Variants in NDUFAF6 observed in about 807,000 individuals in gnomAD.
NDUFAF6 encodes NADH dehydrogenase (ubiquinone) complex I, assembly factor 6.
In NDUFAF6, 45 loss-of-function variants were observed where a neutral mutation model predicts 40.8. That is an observed-to-expected ratio of 1.10 (90% CI 0.87 to 1.42). NDUFAF6 has a LOEUF of 1.42. Among genes scored for constraint, NDUFAF6 ranks in the 40% most tolerant of loss-of-function variants. The pLI, the probability that NDUFAF6 is intolerant of heterozygous loss-of-function variation, is 0.00. For missense variants in NDUFAF6, 435 were observed against 418.5 expected (o/e 1.04, Z -0.34); for synonymous variants, 185 against 155.9 (o/e 1.19, Z -1.39).
At chr8:94,933,669 G>C (rs1202752094) in intron 1 of NDUFAF6, among the ~76,000 whole-genome samples, 2 of 151,962 alleles carry the variant, frequency 1.3e-5, no homozygotes, top group African/African-American at 4.8e-5. Flanking sequence ...GGAGGCTGAG[G>C]CATGAGAATT....
downstream of NDUFAF6, among the ~76,000 whole-genome samples, chr8:95,106,207 G>A (rs865863548): frequency 5.3e-5 from 8 of 151,604 alleles, no homozygotes; most frequent in Middle Eastern, 3.4e-3. Flanking sequence ...CATGGGAGGC[G>A]GAGCTTGCAG....
intron 2 of NDUFAF6, among the ~76,000 whole-genome samples, chr8:95,018,335 C>T (rs546763037): frequency 6.6e-6 from 1 of 152,150 alleles, no homozygotes; most frequent in East Asian, 1.9e-4. Flanking sequence ...CCACACCTGG[C>T]CTGCTTTAGA....
intron 1 of NDUFAF6, among the ~76,000 whole-genome samples, chr8:94,901,708 A>G (rs1818029667): frequency 6.6e-6 from 1 of 152,082 alleles, no homozygotes. Context: ...CAGCCTCCCA[A>G]GTAGCTGGTA....
chr8:94,994,078 C>T (rs1826310032), intron 2 of NDUFAF6, among the ~76,000 whole-genome samples: 2 of 152,056 alleles, frequency 1.3e-5, no homozygotes, highest in South Asian at 2.1e-4. Context: ...AGATTCTATT[C>T]AAATACTCAC....
At chr8:95,112,159 T>A (rs1319521243) in intron 4 of NDUFAF6, among the ~76,000 whole-genome samples, 1 of 152,196 alleles carries the variant, frequency 6.6e-6, no homozygotes, top group Non-Finnish European at 1.5e-5. Flanking sequence ...AGTTAAAGAC[T>A]AAGAGTGCAA....
At chr8:94,933,904 C>T (rs1212542367) in intron 1 of NDUFAF6, among the ~76,000 whole-genome samples, 6 of 147,656 alleles carry the variant, frequency 4.1e-5, no homozygotes, top group Non-Finnish European at 8.9e-5. Flanking sequence ...AGCCCCGTCT[C>T]TACTAAAAAT....
chr8:94,904,223 A>C (rs1818222056), intron 1 of NDUFAF6, among the ~76,000 whole-genome samples: 1 of 149,142 alleles, frequency 6.7e-6, no homozygotes, highest in African/African-American at 2.5e-5. Context: ...GGCTCACTGC[A>C]ACCTCTGCCT....
intron 1 of NDUFAF6, among the ~76,000 whole-genome samples, chr8:94,920,442 C>G (rs1164280851): frequency 6.6e-6 from 1 of 152,182 alleles, no homozygotes. Flanking sequence ...GAGGGCCAAG[C>G]AGTTCTCTGA....
intron 1 of NDUFAF6, among the ~76,000 whole-genome samples, chr8:95,029,953 C>T (rs534135141): frequency 1.3e-4 from 20 of 152,132 alleles, no homozygotes; most frequent in South Asian, 1.0e-3. Context: ...ATACTTACTT[C>T]GTGGGGAGAT....
intron 1 of NDUFAF6, among the ~76,000 whole-genome samples, chr8:94,934,228 C>T (rs1820745875): frequency 6.6e-6 from 1 of 150,982 alleles, no homozygotes; most frequent in Admixed American, 6.6e-5. Flanking sequence ...AATGTCATTT[C>T]CAATTTTTGC....
intron 2 of NDUFAF6, among the ~76,000 whole-genome samples, chr8:94,946,267 G>A (rs1044729125): frequency 1.4e-4 from 22 of 152,270 alleles, no homozygotes; most frequent in Admixed American, 1.4e-3. Context: ...GTGGCTGACT[G>A]AGTCTAATAC....
chr8:95,028,228 G>A (rs906514236), intron 1 of NDUFAF6, among the ~76,000 whole-genome samples: 4 of 152,204 alleles, frequency 2.6e-5, no homozygotes, highest in Non-Finnish European at 4.4e-5. Context: ...CTGGCACATA[G>A]TAGGCACTGC....
At chr8:94,916,920 C>T (rs111897831) in intron 1 of NDUFAF6, among the ~76,000 whole-genome samples, 132 of 151,708 alleles carry the variant, frequency 8.7e-4, no homozygotes, top group African/African-American at 2.9e-3. Context: ...CAAGACCATC[C>T]TGGCTAATAT....
At chr8:95,115,058 TAAAAAA>T (rs56365274) in intron 4 of NDUFAF6, among the ~76,000 whole-genome samples, 82 of 148,830 alleles carry the variant, frequency 5.5e-4, no homozygotes, top group East Asian at 1.6e-3. Flanking sequence ...CGAGACTGTT[TAAAAAA>T]AAAAAAAAAA....
chr8:94,999,298 A>G (rs1308699470), intron 2 of NDUFAF6, among the ~76,000 whole-genome samples: 2 of 151,778 alleles, frequency 1.3e-5, no homozygotes, highest in Non-Finnish European at 2.9e-5. Context: ...TAATTTTTGT[A>G]TTTTTAGTAG....
At chr8:94,980,844 T>A (rs1162450875) in intron 1 of NDUFAF6, 6 of 437,772 alleles carry the variant, frequency 1.4e-5, no homozygotes, top group African/African-American at 6.1e-5. Flanking sequence ...GACTACCTTG[T>A]ATTTGTTTAG....
At chr8:94,949,454 C>G (rs1822363479) in intron 2 of NDUFAF6, 1 of 151,698 alleles carries the variant, frequency 6.6e-6, no homozygotes, top group Non-Finnish European at 1.5e-5. Flanking sequence ...CCCCACCAAT[C>G]GGCGGTGCGG....
intron 2 of NDUFAF6, among the ~76,000 whole-genome samples, chr8:94,986,364 G>A (rs1188917292): frequency 1.3e-5 from 2 of 152,284 alleles, no homozygotes; most frequent in African/African-American, 2.4e-5. Flanking sequence ...TAACCATACA[G>A]CCAGGCCTTC....
At chr8:95,063,549 A>G (rs1832622668), downstream of NDUFAF6, among the ~76,000 whole-genome samples, 6 of 152,204 alleles carry the variant, frequency 3.9e-5, no homozygotes, top group South Asian at 1.2e-3. Context: ...ATGAGCCGAG[A>G]TCGCTCCACT....
Sources: allele counts gnomAD v4.1 joint callset (sites outside exome capture counted in the v4.1 genomes callset), GRCh38; gene constraint gnomAD v4.1.1; transcripts MANE v1.5; gene names NCBI Gene and HGNC (gene_info 2026-07-23, HGNC 2026-07-21).